The following FREM3 variants were observed in gnomAD, a reference collection of about 807,000 sequenced individuals.
FREM3 encodes the protein FRAS1-related extracellular matrix protein 3.
Under a neutral mutation model 129.1 loss-of-function variants are expected in FREM3, and 105 were observed. That is an observed-to-expected ratio of 0.81 (90% CI 0.69 to 0.96). FREM3 has a LOEUF of 0.96. FREM3 is among the 40% of genes least tolerant of loss of function. FREM3 has a pLI of 0.00. For missense variants in FREM3, 2,593 were observed against 2,666.3 expected, an observed-to-expected ratio of 0.97 and a Z score of 0.61; for synonymous variants, 1,014 against 1,044.9, an observed-to-expected ratio of 0.97 and a Z score of 0.57.
chr4:143,600,855 T>G (rs757293633), intron 6 of FREM3, among the ~76,000 whole-genome samples: 27 of 152,146 alleles, frequency 1.8e-4, no homozygotes, highest in Non-Finnish European at 1.5e-4. Context: ...ACAGCCAACA[T>G]CTCTGCCTGA....
intron 2 of FREM3, among the ~76,000 whole-genome samples, chr4:143,647,095 G>A (rs1385715411): frequency 6.6e-6 from 1 of 152,162 alleles, no homozygotes; most frequent in Non-Finnish European, 1.5e-5. Context: ...AGGTTGAGGT[G>A]GTCTCAGATG....
chr4:143,698,573 C>G lies in FREM3; in HGVS notation c.2103G>C (p.Leu701=), dbSNP rs901770540. The part of the protein sequence containing the change: ...FTIKVQPVDI[L]SPQLYPGTTL... The stretch of plus-strand genomic sequence containing the variant: ...TAGTTCCTGGATACAGCTGTGGACT[C>G]AGTATATCCACTGGTTGGACCTTGA... The change falls in exon 1 of 8, where the codon CTG becomes CTC. Residue 701 remains leucine, a synonymous_variant. Transcript: ENST00000329798. 6.5e-7 allele frequency: 1 copy of G among 1,537,436 alleles called. No individual in the cohort carries two copies. Among genetic ancestry groups the G allele is most frequent in the African/African-American group, 1.4e-5 (1 of 72,988 alleles).
chr4:143,646,642 A>T lies in FREM3; in HGVS notation c.5276-18882T>A, dbSNP rs143016192. Among the ~76,000 whole-genome samples the T allele has an allele frequency of 3.0e-3, 459 of 152,304 alleles. 4 individuals are homozygous for T. Among genetic ancestry groups the T allele is most frequent in the Non-Finnish European group, 4.4e-3 (297 of 68,024 alleles). Reference sequence around the variant, plus strand: ...GGACATGTTTGCTTCCCCTTCCACCATAATTGTGAATTTCTTGAGGCCCTC... The same window carrying T: ...GGACATGTTTGCTTCCCCTTCCACCTTAATTGTGAATTTCTTGAGGCCCTC... On this transcript the variant is annotated intron_variant, in intron 2 of 7. Transcript: ENST00000329798.
At chr4:143,647,253 CTA>C (rs1560856571) in intron 2 of FREM3, among the ~76,000 whole-genome samples, 1 of 151,352 alleles carries the variant, frequency 6.6e-6, no homozygotes, top group Non-Finnish European at 1.5e-5. Context: ...GAAGAAATTT[CTA>C]TGTGACAAAG....
rs756189737 is a variant in FREM3 at position 143,696,143 on chromosome 4, G to A, written c.4533C>T (p.Phe1511=). ...TSNDEKKMDS[F]EFQVIGELYP... ...AGAGTTCGCCGATCACTTGAAATTC[G>A]AAGCTGTCCATCTTTTTCTCATCAT... The change falls in exon 1 of 8, where the codon TTC becomes TTT. Residue 1511 remains phenylalanine (F), a synonymous_variant. Transcript: ENST00000329798. 20 of 1,537,448 alleles carry A rather than the reference G, an allele frequency of 1.3e-5. 1 individual carries two copies. The highest frequency in any genetic ancestry group is 9.8e-5 in the East Asian group (4 of 40,928).
At position 143,667,775 on chromosome 4, in the gene FREM3, A is replaced by T. The variant is rs1739890247; in HGVS notation, c.5275+25338T>A. Among the ~76,000 whole-genome samples, 4 of 152,172 alleles carry T rather than the reference A, an allele frequency of 2.6e-5. No homozygotes were observed. The South Asian group carries it at 6.2e-4, about 24-fold the overall frequency. On this transcript the variant is annotated intron_variant, in intron 2 of 7. Coordinates refer to ENST00000329798, the MANE Select transcript of FREM3 (RefSeq NM_001168235.2). ...TTAAAGAGGATGTCTAGCTCCTTGAAACTCATTGTGTGAATGAAACATTTT... is the reference window on the plus strand; with the variant it reads ...TTAAAGAGGATGTCTAGCTCCTTGATACTCATTGTGTGAATGAAACATTTT...
At position 143,697,573 on chromosome 4, in the gene FREM3, AGG is replaced by A. The variant is rs773938864; in HGVS notation, c.3101_3102del (p.Ala1034ValfsTer17). Reference protein sequence around the residue: ...GEVGFQKQHDAFSLILSKDSY... With the variant: ...GEVGFQKQHDXFSLILSKDSY... The stretch of plus-strand genomic sequence containing the variant: ...GAATCTTTGGAGAGGATGAGGCTGA[AGG>A]CATCGTGCTGCTTTTGAAAACCAAC... On this transcript the variant is annotated frameshift_variant, in exon 1 of 8. Coordinates refer to ENST00000329798, the MANE Select transcript of FREM3 (RefSeq NM_001168235.2). LOFTEE classifies it high-confidence loss of function. 6.5e-7 allele frequency: 1 copy of A among 1,537,554 alleles called. No homozygotes were observed. The highest frequency in any genetic ancestry group is 1.2e-5 in the South Asian group (1 of 84,068).
rs751273577 is a variant in FREM3, at chr4:143,698,465, G to A, written c.2211C>T (p.Asp737=). The A allele has an allele frequency of 2.0e-6, 3 of 1,537,722 alleles. No homozygotes were observed. In the East Asian group the frequency reaches 7.3e-5, roughly 38 times the overall value. ...TCAGTAGGGTGTACCATAGGTTCTG[G>A]TCATCAGAGTCCTGGTCAATGTATC... The part of the protein sequence containing the change: ...FLRYIDQDSD[D]QNLWYTLLTL... Residue 737 remains aspartate, a synonymous_variant, in exon 1 of 8, where the codon GAC becomes GAT. Transcript: ENST00000329798.
At chr4:143,652,030 A>G (rs981202360) in intron 2 of FREM3, among the ~76,000 whole-genome samples, 1 of 151,412 alleles carries the variant, frequency 6.6e-6, no homozygotes, top group African/African-American at 2.4e-5. Context: ...ACATCTTACC[A>G]TTTTGTGCTT....
chr4:143,643,667 TGGGAG>T (rs2149846758), intron 2 of FREM3, among the ~76,000 whole-genome samples: 1 of 151,948 alleles, frequency 6.6e-6, no homozygotes, highest in African/African-American at 2.4e-5. Flanking sequence ...GGAGGGCAGT[TGGGAG>T]GGGAGGATGA....
At chr4:143,615,163 T>C (rs1476542955) in intron 5 of FREM3, among the ~76,000 whole-genome samples, 2 of 152,166 alleles carry the variant, frequency 1.3e-5, no homozygotes, top group Non-Finnish European at 2.9e-5. Context: ...TTGGTTACTT[T>C]ATGAGGTGGC....
At chr4:143,679,722 C>G (rs1220248324) in intron 2 of FREM3, among the ~76,000 whole-genome samples, 1 of 152,096 alleles carries the variant, frequency 6.6e-6, no homozygotes, top group African/African-American at 2.4e-5. Context: ...CTTATCTGCT[C>G]CATTGCCTCT....
chr4:143,679,208 T>A (rs1175492214), intron 2 of FREM3, among the ~76,000 whole-genome samples: 1 of 152,210 alleles, frequency 6.6e-6, no homozygotes. Context: ...TGCAGGATTT[T>A]AGACTTAACA....
chr4:143,642,620 T>C lies in FREM3; in HGVS notation c.5276-14860A>G, dbSNP rs77372685. On this transcript the variant is annotated intron_variant, in intron 2 of 7. Transcript: ENST00000329798. The stretch of plus-strand genomic sequence containing the variant: ...GAGGCTAGACCTCTATTTCTCATCA[T>C]GTACAAAAATCAACTCAAAATGGAT... Among the ~76,000 whole-genome samples, 393 of 152,268 alleles carry C rather than the reference T, an allele frequency of 2.6e-3. 3 individuals are homozygous for C. The highest frequency in any genetic ancestry group is 9.0e-3 in the African/African-American group (374 of 41,558).
chr4:143,662,100 T>C (rs1430973032), intron 2 of FREM3, among the ~76,000 whole-genome samples: 3 of 152,116 alleles, frequency 2.0e-5, no homozygotes, highest in Non-Finnish European at 4.4e-5. Flanking sequence ...TCAGTTCTGC[T>C]CTGATTTTAG....
At position 143,696,554 on chromosome 4, in the gene FREM3, G is replaced by A. The variant is rs1448174045; in HGVS notation, c.4122C>T (p.Asn1374=). ...EVRNNLTLGM[N]FTQDEINRGL... Reference sequence around the variant, plus strand: ...CTCTGTTAATCTCATCCTGGGTAAAGTTCATTCCCAGAGTAAGATTGTTCC... The same window carrying A: ...CTCTGTTAATCTCATCCTGGGTAAAATTCATTCCCAGAGTAAGATTGTTCC... Residue 1374 remains asparagine (N), a synonymous_variant, in exon 1 of 8, where the codon AAC becomes AAT. Transcript: ENST00000329798. 3 of 1,537,348 alleles carry A rather than the reference G, an allele frequency of 2.0e-6. No homozygotes were observed. In the African/African-American group the frequency reaches 4.1e-5, roughly 21 times the overall value.
chr4:143,598,813 A>G (rs903870189), intron 6 of FREM3, among the ~76,000 whole-genome samples: 1 of 152,232 alleles, frequency 6.6e-6, no homozygotes, highest in African/African-American at 2.4e-5. Flanking sequence ...TATTCAGTAC[A>G]GTAACATGCT....
At chr4:143,618,104 C>T (rs1326527613) in intron 5 of FREM3, among the ~76,000 whole-genome samples, 6 of 152,068 alleles carry the variant, frequency 3.9e-5, no homozygotes, top group African/African-American at 1.4e-4. Flanking sequence ...TCTGTTCATC[C>T]CTTGGAAAGA....
In FREM3 at chr4:143,624,154, C is replaced by T; in HGVS notation, c.5607G>A (p.Leu1869=). Reference sequence around the variant, plus strand: ...CAACCGTTGCCATTTCTGGAAACTCCAGTACAGCCATGAGAGGTTCAGACA... The same window carrying T: ...CAACCGTTGCCATTTCTGGAAACTCTAGTACAGCCATGAGAGGTTCAGACA... ...IILSEPLMAV[L]EFPEMATVEI... is the part of the protein sequence containing the mutation. The change falls in exon 4 of 8, where the codon CTG becomes CTA. Residue 1869 remains leucine, a synonymous_variant. Transcript: ENST00000329798. The T allele has an allele frequency of 6.5e-7, 1 of 1,536,870 alleles. No individual in the cohort carries two copies. Among genetic ancestry groups the T allele is most frequent in the Non-Finnish European group, 8.7e-7 (1 of 1,146,604 alleles).
Sources: allele counts gnomAD v4.1 joint callset (sites outside exome capture counted in the v4.1 genomes callset), GRCh38; gene constraint gnomAD v4.1.1; transcripts MANE v1.5; gene names NCBI Gene and HGNC (gene_info 2026-07-23, HGNC 2026-07-21).